LRMDA: variants seen among roughly 807,000 people sequenced by gnomAD.
The protein encoded by LRMDA is leucine-rich melanocyte differentiation-associated protein.
Under a neutral mutation model 29.8 loss-of-function variants are expected in LRMDA, and 18 were observed. The observed-to-expected ratio is 0.60, with a 90% CI of 0.42 to 0.90. The LOEUF is 0.90. Among genes scored for constraint, LRMDA ranks in the 40% least tolerant of loss-of-function variants. The pLI, the probability that LRMDA is intolerant of heterozygous loss-of-function variation, is 0.00. For missense variants in LRMDA, 273 were observed against 273.9 expected, an observed-to-expected ratio of 1.00 and a Z score of 0.02; for synonymous variants, 125 against 109.4, an observed-to-expected ratio of 1.14 and a Z score of -0.89.
At chr10:76,370,861 G>C (rs984378423) in intron 6 of LRMDA, among the ~76,000 whole-genome samples, 1 of 152,088 alleles carries the variant, frequency 6.6e-6, no homozygotes, top group Admixed American at 6.6e-5. Flanking sequence ...AGGATGGAAG[G>C]TCTGTCTATA....
intron 2 of LRMDA, among the ~76,000 whole-genome samples, chr10:75,481,468 A>G (rs1331569633): frequency 6.6e-6 from 1 of 152,160 alleles, no homozygotes; most frequent in East Asian, 1.9e-4. Context: ...GGGAAGAAAG[A>G]TTTGATAGAA....
intron 2 of LRMDA, among the ~76,000 whole-genome samples, chr10:76,005,651 C>T (rs1346486423): frequency 6.6e-6 from 1 of 151,828 alleles, no homozygotes; most frequent in Admixed American, 6.6e-5. Context: ...AATAAATGGG[C>T]CAGGCGCGGT....
chr10:75,518,014 C>T (rs921078054), intron 2 of LRMDA, among the ~76,000 whole-genome samples: 1 of 152,018 alleles, frequency 6.6e-6, no homozygotes, highest in African/African-American at 2.4e-5. Context: ...ATTGATTCAC[C>T]TATGTTGAAC....
chr10:76,117,921 A>G (rs1308071248), intron 5 of LRMDA, among the ~76,000 whole-genome samples: 2 of 152,216 alleles, frequency 1.3e-5, no homozygotes, highest in African/African-American at 4.8e-5. Context: ...CTATTGCTAT[A>G]TAGGCTGAGA....
chr10:76,045,566 T>C (rs1172191749), intron 3 of LRMDA, among the ~76,000 whole-genome samples: 2 of 152,088 alleles, frequency 1.3e-5, no homozygotes, highest in Admixed American at 1.3e-4. Flanking sequence ...GTATAGCATT[T>C]GGCCTTGCAT....
intron 2 of LRMDA, among the ~76,000 whole-genome samples, chr10:75,444,167 CAG>C (rs1220107864): frequency 6.6e-6 from 1 of 152,074 alleles, no homozygotes; most frequent in Admixed American, 6.5e-5. Flanking sequence ...CATTATACGT[CAG>C]AGTCTTCTTT....
intron 6 of LRMDA, among the ~76,000 whole-genome samples, chr10:76,338,690 C>T (rs939926735): frequency 6.2e-5 from 9 of 145,140 alleles, no homozygotes; most frequent in African/African-American, 2.2e-4. Flanking sequence ...CAGAGCACTA[C>T]CAGATTTGGT....
chr10:75,890,356 T>G (rs899161601), intron 2 of LRMDA, among the ~76,000 whole-genome samples: 3 of 152,180 alleles, frequency 2.0e-5, no homozygotes, highest in Non-Finnish European at 4.4e-5. Context: ...CACAAAACAT[T>G]AAAAAATTAC....
chr10:76,012,649 C>T (rs1338047755), intron 2 of LRMDA, among the ~76,000 whole-genome samples: 4 of 152,158 alleles, frequency 2.6e-5, no homozygotes, highest in African/African-American at 9.7e-5. Flanking sequence ...CTGGTCAGTT[C>T]ACAACGAGGC....
At chr10:75,963,774 C>T (rs977072061) in intron 2 of LRMDA, among the ~76,000 whole-genome samples, 5 of 152,194 alleles carry the variant, frequency 3.3e-5, no homozygotes, top group African/African-American at 1.2e-4. Context: ...TTGAACAATA[C>T]AAAGTGGTGC....
intron 2 of LRMDA, among the ~76,000 whole-genome samples, chr10:75,900,782 C>T (rs1589246549): frequency 6.6e-6 from 1 of 152,238 alleles, no homozygotes. Context: ...GCCCACCCCC[C>T]CACCTTTCTT....
In LRMDA at chr10:75,557,009, A is replaced by G. The variant is rs555374872; in HGVS notation, c.131+118515A>G. Among the ~76,000 whole-genome samples, 4 of 152,126 alleles carry G rather than the reference A, an allele frequency of 2.6e-5. No homozygotes were observed. The East Asian group carries it at 7.7e-4, about 29-fold the overall frequency. On this transcript the variant is annotated intron_variant, in intron 2 of 6. Coordinates refer to ENST00000611255, the MANE Select transcript of LRMDA (RefSeq NM_001305581.2). ...AAAGGAATAAAACTGATTAGAAACA[A>G]ACAGAAAACAAAAGTAAAATGGGGC...
chr10:76,109,229 A>G (rs566278743), intron 5 of LRMDA, among the ~76,000 whole-genome samples: 1 of 152,286 alleles, frequency 6.6e-6, no homozygotes, highest in African/African-American at 2.4e-5. Flanking sequence ...AAGCGCAAGA[A>G]AGATGTTTGA....
At chr10:75,864,591 C>T (rs1436755386) in intron 2 of LRMDA, among the ~76,000 whole-genome samples, 1 of 152,186 alleles carries the variant, frequency 6.6e-6, no homozygotes, top group Non-Finnish European at 1.5e-5. Flanking sequence ...GGGTGCAAGA[C>T]TGTGTTTTAT....
At chr10:75,907,906 G>A (rs777659798) in intron 2 of LRMDA, among the ~76,000 whole-genome samples, 5 of 152,102 alleles carry the variant, frequency 3.3e-5, no homozygotes, top group Admixed American at 1.3e-4. Context: ...ATTCACTCAC[G>A]GTGGCATGGT....
intron 2 of LRMDA, among the ~76,000 whole-genome samples, chr10:76,002,368 G>A (rs555018267): frequency 6.6e-6 from 1 of 152,308 alleles, no homozygotes; most frequent in East Asian, 1.9e-4. Context: ...AGGTTGCGGG[G>A]TGGGGCACAA....
intron 2 of LRMDA, among the ~76,000 whole-genome samples, chr10:75,458,042 T>G (rs911362415): frequency 1.3e-5 from 2 of 152,208 alleles, no homozygotes; most frequent in African/African-American, 2.4e-5. Context: ...TATTGAGTAT[T>G]GAGTATTTGT....
At chr10:75,845,425 C>G (rs1294082142) in intron 2 of LRMDA, among the ~76,000 whole-genome samples, 2 of 152,212 alleles carry the variant, frequency 1.3e-5, no homozygotes, top group African/African-American at 4.8e-5. Flanking sequence ...CCCACTCCAG[C>G]TTTTGCCTGG....
intron 2 of LRMDA, among the ~76,000 whole-genome samples, chr10:75,745,926 C>T (rs1026786659): frequency 2.0e-5 from 3 of 152,154 alleles, no homozygotes; most frequent in Admixed American, 6.5e-5. Context: ...GTTTGAGTTA[C>T]GGATTTTGGG....
Sources: allele counts gnomAD v4.1 joint callset (sites outside exome capture counted in the v4.1 genomes callset), GRCh38; gene constraint gnomAD v4.1.1; transcripts MANE v1.5; gene names NCBI Gene and HGNC (gene_info 2026-07-23, HGNC 2026-07-21).